The following HIF1A variants were observed in gnomAD, a reference collection of about 807,000 sequenced individuals.
The protein encoded by HIF1A is hypoxia inducible factor 1 subunit alpha.
A neutral mutation model predicts 92.7 loss-of-function variants in HIF1A; 24 were observed. The observed-to-expected ratio is 0.26, with a 90% confidence interval of 0.19 to 0.36. The LOEUF is 0.36. Among genes scored for constraint, HIF1A ranks in the 10% least tolerant of loss-of-function variants. The probability of loss-of-function intolerance (pLI) is 1.00; values close to 1 mark genes in which losing one functional copy is unlikely to be tolerated. For missense variants in HIF1A, 799 were observed against 998.5 expected, an observed-to-expected ratio of 0.80 and a Z score of 2.69; for synonymous variants, 319 against 338.7, an observed-to-expected ratio of 0.94 and a Z score of 0.64.
intron 1 of HIF1A, among the ~76,000 whole-genome samples, chr14:61,712,005 C>G (rs1041731261): frequency 3.3e-5 from 5 of 152,096 alleles, no homozygotes; most frequent in Non-Finnish European, 7.4e-5. Context: ...ACAAAATAGA[C>G]AAAAGTCTCC....
At chr14:61,744,635 C>T in intron 12 of HIF1A, 70 bp from the exon 13 acceptor site, 4 of 598,846 alleles carry the variant, frequency 6.7e-6, no homozygotes, top group South Asian at 2.3e-5. Context: ...TATGTATTTT[C>T]TTTAAAAGCG....
intron 13 of HIF1A, 39 bp downstream of exon 13, chr14:61,744,852 T>C (rs955546174): frequency 2.3e-6 from 2 of 852,308 alleles, no homozygotes; most frequent in Admixed American, 2.1e-5. Context: ...CTAGCTAATG[T>C]GCTATTTCGT....
At chr14:61,716,150 AATTAATAAG>A (rs552277834) in intron 1 of HIF1A, among the ~76,000 whole-genome samples, 270 of 152,350 alleles carry the variant, frequency 1.8e-3, no homozygotes, top group Non-Finnish European at 3.1e-3. Context: ...GCTCAGCAGA[AATTAATAAG>A]ATTAAAAAGA....
intron 9 of HIF1A, among the ~76,000 whole-genome samples, chr14:61,737,503 T>G (rs2044651393): frequency 6.6e-6 from 1 of 152,158 alleles, no homozygotes; most frequent in South Asian, 2.1e-4. Context: ...AAACTGCAAT[T>G]TTAAAGTAGA....
chr14:61,729,194 G>C (rs1322500598), intron 6 of HIF1A, among the ~76,000 whole-genome samples: 7 of 152,124 alleles, frequency 4.6e-5, no homozygotes, highest in Non-Finnish European at 8.8e-5. Flanking sequence ...GGGTGGGGTG[G>C]CTCATGCCTA....
intron 1 of HIF1A, among the ~76,000 whole-genome samples, chr14:61,703,103 A>G (rs2044196096): frequency 1.3e-5 from 2 of 152,314 alleles, no homozygotes; most frequent in South Asian, 2.1e-4. Flanking sequence ...AAAGTGAGAA[A>G]AGTGCTGAGA....
chr14:61,738,295 A>G lies in HIF1A; in HGVS notation c.1458A>G (p.Glu486=). 6.2e-7 allele frequency: 1 copy of G among 1,614,126 alleles called. No homozygotes were observed. The highest frequency in any genetic ancestry group is 8.5e-7 in the Non-Finnish European group (1 of 1,179,966). Residue 486 remains glutamate (E), a synonymous_variant, in exon 10 of 15, where the codon GAA becomes GAG. Transcript: ENST00000337138. ...TAGAACCAAATCCAGAGTCACTGGA[A>G]CTTTCTTTTACCATGCCCCAGATTC... The part of the protein sequence containing the change: ...LKLEPNPESL[E]LSFTMPQIQD...
chr14:61,715,320 G>A (rs2044351694), intron 1 of HIF1A, among the ~76,000 whole-genome samples: 2 of 152,216 alleles, frequency 1.3e-5, no homozygotes, highest in South Asian at 4.1e-4. Flanking sequence ...CCAAGAAAGA[G>A]CCTGGTTCTG....
intron 1 of HIF1A, among the ~76,000 whole-genome samples, chr14:61,701,564 T>C (rs1394689957): frequency 6.6e-6 from 1 of 152,174 alleles, no homozygotes; most frequent in African/African-American, 2.4e-5. Context: ...AGGGTTGGGA[T>C]ACGTTTCTGT....
intron 1 of HIF1A, among the ~76,000 whole-genome samples, chr14:61,701,414 A>G (rs929218331): frequency 1.3e-5 from 2 of 151,916 alleles, no homozygotes; most frequent in African/African-American, 4.8e-5. Flanking sequence ...AGTATTTAAT[A>G]TTGCAATTTT....
chr14:61,715,456 A>C (rs1353274741), intron 1 of HIF1A: 1 of 152,212 alleles, frequency 6.6e-6, no homozygotes, highest in Admixed American at 6.5e-5. Flanking sequence ...AGACTTACAA[A>C]TACTTGCCTT....
At chr14:61,741,361 TTTC>T (rs1347112261) in intron 12 of HIF1A, among the ~76,000 whole-genome samples, 173 bp downstream of exon 12, 6 of 44,894 alleles carry the variant, frequency 1.3e-4, no homozygotes, top group South Asian at 6.9e-4. Flanking sequence ...TTTCTTTTTC[TTTC>T]TTTTTTTTTT....
At chr14:61,708,681 G>A (rs1247289366) in intron 1 of HIF1A, among the ~76,000 whole-genome samples, 1 of 152,080 alleles carries the variant, frequency 6.6e-6, no homozygotes, top group Non-Finnish European at 1.5e-5. Flanking sequence ...TTTGGTACCA[G>A]TACCATGCTG....
intron 2 of HIF1A, 97 bp downstream of exon 2, chr14:61,720,669 G>C (rs576727828): frequency 1.2e-4 from 86 of 731,216 alleles, no homozygotes; most frequent in Admixed American, 3.3e-4. Flanking sequence ...TTTTGATTTT[G>C]TATACCTCTT....
In HIF1A at chr14:61,746,904, G is replaced by GTATACTTAGGTA. The variant is rs138486155; in HGVS notation, c.2330-28_2330-17dup. The stretch of plus-strand genomic sequence containing the variant: ...ATAAATATTCATTGACTAGATGAAT[G>GTATACTTAGGTA]TATACTTAGGTATCTCTTTTGTTTT... On this transcript the variant is annotated intron_variant, in intron 14 of 14. Coordinates refer to ENST00000337138, the MANE Select transcript of HIF1A (RefSeq NM_001530.4). 2.9e-3 allele frequency: 4,476 copies of GTATACTTAGGTA among 1,535,596 alleles called. 8 individuals are homozygous for GTATACTTAGGTA. Among genetic ancestry groups the GTATACTTAGGTA allele is most frequent in the Middle Eastern group, 4.3e-3 (25 of 5,752 alleles).
intron 4 of HIF1A, among the ~76,000 whole-genome samples, chr14:61,722,634 T>G (rs2044447711): frequency 6.6e-6 from 1 of 152,218 alleles, no homozygotes; most frequent in South Asian, 2.1e-4. Context: ...GGTGCCAGTT[T>G]GAGTCTAAGG....
chr14:61,724,349 T>TTCTCTCTCTCTCTCTCTCTCTC (rs147642291), intron 4 of HIF1A, among the ~76,000 whole-genome samples: 1,206 of 96,022 alleles, frequency 0.013, 87 homozygotes, highest in East Asian at 0.02. Flanking sequence ...CACACACACA[T>TTCTCTCTCTCTCTCTCTCTCTC]TCTCTCTCTC....
chr14:61,747,016 T>C lies in HIF1A; in HGVS notation c.2412T>C (p.Ala804=). Residue 804 remains alanine (A), a synonymous_variant, in exon 15 of 15, where the codon GCT becomes GCC. Coordinates refer to ENST00000337138, the MANE Select transcript of HIF1A (RefSeq NM_001530.4). The stretch of plus-strand genomic sequence containing the variant: ...CCAGTTATGATTGTGAAGTTAATGC[T>C]CCTATACAAGGCAGCAGAAACCTAC... ...QLTSYDCEVN[A]PIQGSRNLLQ... The C allele has an allele frequency of 1.2e-6, 2 of 1,613,696 alleles. No homozygotes were observed. The highest frequency in any genetic ancestry group is 1.7e-6 in the Non-Finnish European group (2 of 1,179,658).
intron 1 of HIF1A, among the ~76,000 whole-genome samples, chr14:61,716,373 A>C (rs906555362): frequency 3.3e-5 from 5 of 152,160 alleles, no homozygotes; most frequent in Non-Finnish European, 7.4e-5. Flanking sequence ...AACAACAAAA[A>C]CCAACTTGTA....
Sources: allele counts gnomAD v4.1 joint callset (sites outside exome capture counted in the v4.1 genomes callset), GRCh38; gene constraint gnomAD v4.1.1; transcripts MANE v1.5; gene names NCBI Gene and HGNC (gene_info 2026-07-23, HGNC 2026-07-21).